SRMS: variants seen among roughly 807,000 people sequenced by gnomAD.
SRMS encodes the protein tyrosine-protein kinase Srms.
SRMS carries 42 observed loss-of-function variants against 43.5 expected under a neutral mutation model. The ratio of observed to expected loss-of-function variants is 0.97; its 90% CI spans 0.75 to 1.25. SRMS has a LOEUF of 1.25. SRMS is among the 50% of genes most tolerant of loss of function. SRMS has a pLI of 0.00. For missense variants in SRMS, 703 were observed against 681.0 expected, an observed-to-expected ratio of 1.03 and a Z score of -0.36; for synonymous variants, 316 against 308.2, an observed-to-expected ratio of 1.03 and a Z score of -0.27.
chr20:63,543,283 G>C, intron 3 of SRMS, 31 bp downstream of exon 3: 1 of 1,607,916 alleles, frequency 6.2e-7, no homozygotes. Flanking sequence ...CTCGGGCCCA[G>C]CATGGGGCAG....
rs1240298593 is a variant in SRMS, at chr20:63,539,128, C to T, written c.*1690G>A. 6.6e-6 allele frequency among the ~76,000 whole-genome samples: 1 copy of T among 152,172 alleles called. No individual in the cohort carries two copies. The highest frequency in any genetic ancestry group is 2.4e-5 in the African/African-American group (1 of 41,430). On this transcript the variant is annotated 3_prime_UTR_variant, in exon 8 of 8. Coordinates refer to ENST00000217188, the MANE Select transcript of SRMS (RefSeq NM_080823.4). Reference sequence around the variant, plus strand: ...CAGTGGGCCCAGGTACCAGAACCAGCCCCTCCCCTAGGTTCTCCCATGCAG... The same window carrying T: ...CAGTGGGCCCAGGTACCAGAACCAGTCCCTCCCCTAGGTTCTCCCATGCAG...
intron 3 of SRMS, 150 bp from the exon 4 acceptor site, chr20:63,542,731 G>C: frequency 9.4e-7 from 1 of 1,069,386 alleles, no homozygotes; most frequent in Non-Finnish European, 1.3e-6. Flanking sequence ...GTGGGTGCCA[G>C]GCTTGGAGGC....
rs1200088759 is a variant in SRMS at position 63,539,754 on chromosome 20, G to C, written c.*1064C>G. Among the ~76,000 whole-genome samples, 1 of 152,054 alleles carries C rather than the reference G, an allele frequency of 6.6e-6. No homozygotes were observed. Among genetic ancestry groups the C allele is most frequent in the Non-Finnish European group, 1.5e-5 (1 of 68,008 alleles). On this transcript the variant is annotated 3_prime_UTR_variant, in exon 8 of 8. Coordinates refer to ENST00000217188, the MANE Select transcript of SRMS (RefSeq NM_080823.4). ...CACCCAGAGGCTTCCTGAGCCACTT[G>C]CTGCCCAGCATACCATGGCATCTAC...
rs550346799 is a variant in SRMS, at chr20:63,543,929, TAGTG to T, written c.478+294_478+297del. Among the ~76,000 whole-genome samples, 25 of 152,050 alleles carry T rather than the reference TAGTG, an allele frequency of 1.6e-4. No individual in the cohort carries two copies. The South Asian group carries it at 2.9e-3, about 18-fold the overall frequency. On this transcript the variant is annotated intron_variant, in intron 2 of 7. Transcript: ENST00000217188. ...TGAATGGATGAATGAATGAGTGAAT[TAGTG>T]AGTGAGGAATGAACGAGTGAATGAG...
intron 1 of SRMS, among the ~76,000 whole-genome samples, chr20:63,544,674 C>T (rs902432150): frequency 6.6e-6 from 1 of 152,270 alleles, no homozygotes; most frequent in Non-Finnish European, 1.5e-5. Context: ...GGGCCATAGG[C>T]CTCCAAACTC....
At chr20:63,544,773 C>A (rs2082722398) in intron 1 of SRMS, among the ~76,000 whole-genome samples, 1 of 152,246 alleles carries the variant, frequency 6.6e-6, no homozygotes, top group South Asian at 2.1e-4. Flanking sequence ...TGTACAGGGC[C>A]ATGGGCATCA....
chr20:63,540,838 TG>T lies in SRMS; in HGVS notation c.1446del (p.Ile483SerfsTer88). 1 of 1,603,162 alleles carries T rather than the reference TG, an allele frequency of 6.2e-7. No individual in the cohort carries two copies. ...SFATLREKLH[A>X]IHRCHP ...AGGACTCAGGGGTGGCATCTGTGGA[TG>T]GCGTGCAGCTTCTCCCGCAGCGTGG... On this transcript the variant is annotated frameshift_variant, in exon 8 of 8. Transcript: ENST00000217188. LOFTEE classifies it low-confidence loss of function (END_TRUNC).
At position 63,541,616 on chromosome 20, in the gene SRMS, G is replaced by A. The variant is rs1194350046; in HGVS notation, c.951C>T (p.Pro317=). ...GCGGCAGACGCAGGGCCCGGCCCTC[G>A]GGGGCTGCAGGAGACAGCGCGGGGT... ...KGNLQAFLGT[P]EGRALRLPPL... The change falls in exon 6 of 8, where the codon CCC becomes CCT. Residue 317 remains proline, a synonymous_variant. Transcript: ENST00000217188. The A allele has an allele frequency of 3.8e-5, 58 of 1,541,434 alleles. 1 individual carries two copies. In the East Asian group the frequency reaches 9.6e-4, roughly 25 times the overall value.
intron 3 of SRMS, 24 bp downstream of exon 3, chr20:63,543,290 G>GCC: frequency 6.2e-7 from 1 of 1,609,368 alleles, no homozygotes; most frequent in African/African-American, 1.3e-5. Flanking sequence ...CCAGCATGGG[G>GCC]CAGCTTGGCA....
At position 63,541,502 on chromosome 20, in the gene SRMS, G is replaced by A. The variant is rs776421582; in HGVS notation, c.1065C>T (p.Asn355=). The A allele has an allele frequency of 3.9e-5, 62 of 1,607,756 alleles. No individual in the cohort carries two copies. The highest frequency in any genetic ancestry group is 1.6e-4 in the African/African-American group (12 of 74,860). The change falls in exon 6 of 8, where the codon AAC becomes AAT. Residue 355 remains asparagine (N), a synonymous_variant. Coordinates refer to ENST00000217188, the MANE Select transcript of SRMS (RefSeq NM_080823.4). The part of the protein sequence containing the change: ...RVVHRDLAAR[N]VLVDDGLACK... ...AGGCCAGGCCGTCGTCCACGAGCACGTTCCGGGCGGCCAAGTCCCGGTGCA... is the reference window on the plus strand; with the variant it reads ...AGGCCAGGCCGTCGTCCACGAGCACATTCCGGGCGGCCAAGTCCCGGTGCA...
At position 63,541,597 on chromosome 20, in the gene SRMS, G is replaced by A; in HGVS notation, c.970C>T (p.Leu324=). 8 of 1,562,048 alleles carry A rather than the reference G, an allele frequency of 5.1e-6. No individual in the cohort carries two copies. The highest frequency in any genetic ancestry group is 6.0e-6 in the Non-Finnish European group (7 of 1,159,050). ...CAGGCAAAGCCCAGGAGTGGCGGCAGACGCAGGGCCCGGCCCTCGGGGGCT... is the reference window on the plus strand; with the variant it reads ...CAGGCAAAGCCCAGGAGTGGCGGCAAACGCAGGGCCCGGCCCTCGGGGGCT... ...LGTPEGRALR[L]PPLLGFACQV... Residue 324 remains leucine (L), a synonymous_variant, in exon 6 of 8, where the codon CTG becomes TTG. Transcript: ENST00000217188.
rs769023853 is a variant in SRMS, at chr20:63,541,605, G to A, written c.962C>T (p.Ala321Val). 6.4e-7 allele frequency: 1 copy of A among 1,555,494 alleles called. No homozygotes were observed. Among genetic ancestry groups the A allele is most frequent in the Non-Finnish European group, 8.6e-7 (1 of 1,156,184 alleles). The part of the protein sequence containing the change: ...QAFLGTPEGR[A>V]LRLPPLLGFA... ...GCCCAGGAGTGGCGGCAGACGCAGG[G>A]CCCGGCCCTCGGGGGCTGCAGGAGA... Residue 321 changes from alanine to valine, a missense_variant, in exon 6 of 8, where the codon GCC becomes GTC. Physicochemically the swap from Ala to Val is moderately conservative, Grantham distance 64 (BLOSUM62 0). Coordinates refer to ENST00000217188, the MANE Select transcript of SRMS (RefSeq NM_080823.4).
In SRMS at chr20:63,547,386, C is replaced by T. The variant is rs143393962; in HGVS notation, c.78G>A (p.Pro26=). The T allele has an allele frequency of 1.8e-3, 2,812 of 1,561,746 alleles. 9 individuals are homozygous for T. Among genetic ancestry groups the T allele is most frequent in the Non-Finnish European group, 1.9e-3 (2,182 of 1,153,650 alleles). The change falls in exon 1 of 8, where the codon CCG becomes CCA. Residue 26 remains proline (P), a synonymous_variant. Coordinates refer to ENST00000217188, the MANE Select transcript of SRMS (RefSeq NM_080823.4). ...CCAGGGACCCGGGGGTGCCATGGTC[C>T]GGCTCGCCGCCCGCCGGCCAGATCT... ...WDKIWPAGGE[P]DHGTPGSLDP...
Position 63,541,615 on chromosome 20 carries a change from CG to C in SRMS, c.951del (p.Glu318ArgfsTer21). On this transcript the variant is annotated frameshift_variant, in exon 6 of 8. Transcript: ENST00000217188. LOFTEE classifies it high-confidence loss of function. ...GGCGGCAGACGCAGGGCCCGGCCCT[CG>C]GGGGCTGCAGGAGACAGCGCGGGGT... ...KGNLQAFLGT[P>X]EGRALRLPPL... 1.3e-6 allele frequency: 2 copies of C among 1,544,548 alleles called. No individual in the cohort carries two copies. Among genetic ancestry groups the C allele is most frequent in the Non-Finnish European group, 1.7e-6 (2 of 1,151,104 alleles).
intron 3 of SRMS, 26 bp from the exon 4 acceptor site, chr20:63,542,607 T>C (rs746063055): frequency 3.1e-6 from 5 of 1,588,138 alleles, no homozygotes; most frequent in Non-Finnish European, 4.3e-6. Flanking sequence ...GCAGGGAGGC[T>C]GGTCAGCGTG....
intron 2 of SRMS, 59 bp from the exon 3 acceptor site, chr20:63,543,539 C>T: frequency 6.3e-7 from 1 of 1,579,962 alleles, no homozygotes; most frequent in Non-Finnish European, 8.6e-7. Flanking sequence ...CCGACCCTCC[C>T]ACCCCAGAGG....
At chr20:63,542,853 T>C (rs1016225271) in intron 3 of SRMS, among the ~76,000 whole-genome samples, 4 of 152,206 alleles carry the variant, frequency 2.6e-5, no homozygotes, top group Non-Finnish European at 5.9e-5. Context: ...GCTGTCATTA[T>C]GAGACCAGAG....
Position 63,540,182 on chromosome 20 carries a change from G to A in SRMS, c.*636C>T, listed in dbSNP as rs912541864. 3.9e-5 allele frequency among the ~76,000 whole-genome samples: 6 copies of A among 152,196 alleles called. No individual in the cohort carries two copies. Among genetic ancestry groups the A allele is most frequent in the Admixed American group, 3.3e-4 (5 of 15,276 alleles). The stretch of plus-strand genomic sequence containing the variant: ...TTACTGAGTGCTGTGTGCGTGAGTG[G>A]GTTTGTGCACAGGCCGCCAGTGTGT... On this transcript the variant is annotated 3_prime_UTR_variant, in exon 8 of 8. Coordinates refer to ENST00000217188, the MANE Select transcript of SRMS (RefSeq NM_080823.4).
In SRMS at chr20:63,543,270, T is replaced by C. The variant is rs758003364; in HGVS notation, c.645+44A>G. The C allele has an allele frequency of 3.7e-6, 6 of 1,601,772 alleles. No individual in the cohort carries two copies. In the East Asian group the frequency reaches 1.3e-4, roughly 36 times the overall value. On this transcript the variant is annotated intron_variant, in intron 3 of 7. Transcript: ENST00000217188. The stretch of plus-strand genomic sequence containing the variant: ...GGGAGGAGCACCTAGAACAGGGCCA[T>C]GCCTCGGGCCCAGCATGGGGCAGCT...
Sources: allele counts gnomAD v4.1 joint callset (sites outside exome capture counted in the v4.1 genomes callset), GRCh38; gene constraint gnomAD v4.1.1; transcripts MANE v1.5; gene names NCBI Gene and HGNC (gene_info 2026-07-23, HGNC 2026-07-21).